GRM5: variants seen among roughly 807,000 people sequenced by gnomAD.
The protein encoded by GRM5 is metabotropic glutamate receptor 5.
GRM5 carries 19 observed loss-of-function variants against 83.1 expected under a neutral mutation model. The ratio of observed to expected loss-of-function variants is 0.23; its 90% CI spans 0.16 to 0.34. The LOEUF (loss-of-function observed/expected upper bound fraction) is 0.34, where lower values mean the gene tolerates loss of function less well. GRM5 is among the 10% of genes least tolerant of loss of function. The pLI, the probability that GRM5 is intolerant of heterozygous loss-of-function variation, is 1.00. For synonymous variants in GRM5, 675 were observed against 633.6 expected, an observed-to-expected ratio of 1.07 and a Z score of -0.98; for missense variants, 1,160 against 1,588.3, an observed-to-expected ratio of 0.73 and a Z score of 4.58.
At chr11:88,727,778 A>T (rs1941715979) in intron 3 of GRM5, among the ~76,000 whole-genome samples, 1 of 152,230 alleles carries the variant, frequency 6.6e-6, no homozygotes, top group Admixed American at 6.5e-5. Flanking sequence ...CTCCTGAATG[A>T]CTACTGAGTA....
At chr11:88,587,470 G>A (rs1943340373) in intron 7 of GRM5, among the ~76,000 whole-genome samples, 1 of 152,066 alleles carries the variant, frequency 6.6e-6, no homozygotes, top group Non-Finnish European at 1.5e-5. Context: ...AGGAGGGTGG[G>A]AAAGAGGACA....
chr11:88,703,305 A>G (rs1260594323), intron 3 of GRM5, among the ~76,000 whole-genome samples: 1 of 152,104 alleles, frequency 6.6e-6, no homozygotes, highest in Non-Finnish European at 1.5e-5. Context: ...GTTCCTATTT[A>G]TTTTACTATA....
intron 2 of GRM5, among the ~76,000 whole-genome samples, chr11:88,881,962 C>T (rs1944961200): frequency 6.6e-6 from 1 of 152,224 alleles, no homozygotes; most frequent in Admixed American, 6.5e-5. Context: ...TGATGGAATG[C>T]TGGGCACGTT....
intron 1 of GRM5, among the ~76,000 whole-genome samples, chr11:89,050,360 T>C (rs1433165898): frequency 6.6e-6 from 1 of 152,224 alleles, no homozygotes; most frequent in Non-Finnish European, 1.5e-5. Context: ...GGTATGTATA[T>C]GCTATAATTC....
intron 2 of GRM5, among the ~76,000 whole-genome samples, chr11:88,904,132 C>A (rs1400668212): frequency 6.6e-6 from 1 of 152,030 alleles, no homozygotes; most frequent in Non-Finnish European, 1.5e-5. Context: ...CGGGGAAGGG[C>A]AGAGAGTTGA....
At chr11:88,629,795 A>G (rs566530406) in intron 4 of GRM5, among the ~76,000 whole-genome samples, 2 of 152,258 alleles carry the variant, frequency 1.3e-5, no homozygotes, top group African/African-American at 4.8e-5. Flanking sequence ...ATGGCAGTCA[A>G]TGTTATCTGC....
chr11:88,742,537 G>A (rs1054976745), intron 3 of GRM5, among the ~76,000 whole-genome samples: 16 of 152,144 alleles, frequency 1.1e-4, no homozygotes, highest in Admixed American at 5.2e-4. Flanking sequence ...AACCAAGGGA[G>A]AGCTGATACT....
chr11:88,844,064 C>A (rs1944254943), intron 3 of GRM5, among the ~76,000 whole-genome samples: 1 of 152,142 alleles, frequency 6.6e-6, no homozygotes, highest in South Asian at 2.1e-4. Flanking sequence ...GCAGACAAAA[C>A]AGCCTTTTTT....
intron 8 of GRM5, among the ~76,000 whole-genome samples, chr11:88,545,741 A>AT (rs1942373049): frequency 6.6e-6 from 1 of 152,154 alleles, no homozygotes; most frequent in Non-Finnish European, 1.5e-5. Flanking sequence ...TGCAATGGAC[A>AT]TCTGATTTCC....
intron 3 of GRM5, among the ~76,000 whole-genome samples, chr11:88,834,708 T>C (rs760534597): frequency 1.3e-4 from 20 of 152,190 alleles, no homozygotes; most frequent in Admixed American, 6.5e-4. Flanking sequence ...TTAAGCCTCA[T>C]AGAAAGTGCT....
At chr11:88,859,747 G>A (rs1944531197) in intron 2 of GRM5, among the ~76,000 whole-genome samples, 1 of 152,120 alleles carries the variant, frequency 6.6e-6, no homozygotes, top group African/African-American at 2.4e-5. Flanking sequence ...GCTACTAAAT[G>A]TTTCATTTGA....
At chr11:88,841,154 T>C (rs529924073) in intron 3 of GRM5, among the ~76,000 whole-genome samples, 1 of 152,320 alleles carries the variant, frequency 6.6e-6, no homozygotes, top group South Asian at 2.1e-4. Flanking sequence ...TCTTTACTAA[T>C]AAATGTTCTT....
At chr11:88,617,106 C>A (rs754123481) in intron 4 of GRM5, among the ~76,000 whole-genome samples, 16 of 152,190 alleles carry the variant, frequency 1.1e-4, no homozygotes, top group Middle Eastern at 3.2e-3. Context: ...CTTTGTAGAA[C>A]AGCACTTGTT....
intron 4 of GRM5, among the ~76,000 whole-genome samples, chr11:88,625,011 C>T (rs1262600389): frequency 2.0e-5 from 3 of 152,034 alleles, no homozygotes; most frequent in African/African-American, 7.3e-5. Context: ...TACAGTCTTA[C>T]CAAACAATGA....
chr11:88,523,504 G>A (rs1472134828), intron 9 of GRM5, among the ~76,000 whole-genome samples: 1 of 152,160 alleles, frequency 6.6e-6, no homozygotes. Flanking sequence ...ATAGCATTCT[G>A]TTGAGTCACT....
chr11:88,846,866 TAATTAA>T (rs901259208), intron 3 of GRM5, among the ~76,000 whole-genome samples: 3 of 152,176 alleles, frequency 2.0e-5, no homozygotes, highest in Non-Finnish European at 2.9e-5. Flanking sequence ...TATAAAATAC[TAATTAA>T]AATTAAAAAT....
At chr11:88,898,110 C>G (rs1297787855) in intron 2 of GRM5, among the ~76,000 whole-genome samples, 1 of 151,890 alleles carries the variant, frequency 6.6e-6, no homozygotes, top group Non-Finnish European at 1.5e-5. Flanking sequence ...GAGGGTTTGA[C>G]AGCAATCTTT....
rs561325875 is a variant in GRM5, at chr11:88,686,400, G to A, written c.912-32997C>T. Among the ~76,000 whole-genome samples the A allele has an allele frequency of 3.9e-5, 6 of 152,258 alleles. 1 individual carries two copies. In the South Asian group the frequency reaches 1.2e-3, roughly 32 times the overall value. On this transcript the variant is annotated intron_variant, in intron 3 of 9. Coordinates refer to ENST00000305447, the MANE Select transcript of GRM5 (RefSeq NM_001143831.3). Reference sequence around the variant, plus strand: ...GATTTTACAGGCTCATAGGTGGAAGGGACTTGCCTTATCTCAGATGAGGCT... The same window carrying A: ...GATTTTACAGGCTCATAGGTGGAAGAGACTTGCCTTATCTCAGATGAGGCT...
intron 7 of GRM5, among the ~76,000 whole-genome samples, chr11:88,570,400 C>A (rs567002769): frequency 6.6e-6 from 1 of 150,946 alleles, no homozygotes. Context: ...AATTAATATA[C>A]CTATATCTGT....
Sources: allele counts gnomAD v4.1 joint callset (sites outside exome capture counted in the v4.1 genomes callset), GRCh38; gene constraint gnomAD v4.1.1; transcripts MANE v1.5; gene names NCBI Gene and HGNC (gene_info 2026-07-23, HGNC 2026-07-21).